The following SLC13A4 variants were observed in gnomAD, a reference collection of about 807,000 sequenced individuals.
SLC13A4 encodes solute carrier family 13 member 4.
In SLC13A4, 28 loss-of-function variants were observed where a neutral mutation model predicts 72.7. The observed-to-expected ratio is 0.39, with a 90% CI of 0.29 to 0.53. SLC13A4 has a LOEUF of 0.53. SLC13A4 is among the 20% of genes least tolerant of loss of function. The pLI, the probability that SLC13A4 is intolerant of heterozygous loss-of-function variation, is 0.78. For missense variants in SLC13A4, 653 were observed against 788.0 expected, an observed-to-expected ratio of 0.83 and a Z score of 2.05; for synonymous variants, 312 against 325.5, an observed-to-expected ratio of 0.96 and a Z score of 0.45.
At chr7:135,726,445 G>C (rs1174869672) in intron 1 of SLC13A4, among the ~76,000 whole-genome samples, 1 of 152,216 alleles carries the variant, frequency 6.6e-6, no homozygotes, top group African/African-American at 2.4e-5. Flanking sequence ...AAGGAGCAGA[G>C]TGGAAGAATT....
chr7:135,724,077 GAGACAA>G (rs1261846069), intron 1 of SLC13A4, among the ~76,000 whole-genome samples: 1 of 152,232 alleles, frequency 6.6e-6, no homozygotes, highest in Non-Finnish European at 1.5e-5. Context: ...AAAGAGTTGA[GAGACAA>G]AATGTCTGCC....
intron 10 of SLC13A4, 31 bp from the exon 11 acceptor site, chr7:135,692,455 G>T (rs1334908206): frequency 1.3e-6 from 2 of 1,503,096 alleles, no homozygotes; most frequent in South Asian, 2.4e-5. Flanking sequence ...ACCCACTCAG[G>T]AACTGAGAAA....
chr7:135,701,828 CA>C, intron 6 of SLC13A4, 68 bp from the exon 7 acceptor site: 1 of 1,504,702 alleles, frequency 6.6e-7, no homozygotes, highest in Non-Finnish European at 9.2e-7. Context: ...CGAGAAGGAC[CA>C]CCTAGTCATC....
chr7:135,696,444 G>A (rs528486427), intron 8 of SLC13A4, among the ~76,000 whole-genome samples: 2 of 152,190 alleles, frequency 1.3e-5, no homozygotes, highest in South Asian at 4.1e-4. Context: ...CGCCTTCTGG[G>A]TTCAAGCAAT....
intron 1 of SLC13A4, 108 bp from the exon 2 acceptor site, chr7:135,721,631 A>G: frequency 2.1e-6 from 3 of 1,420,306 alleles, no homozygotes; most frequent in Admixed American, 2.0e-5. Flanking sequence ...TAACGCGGGT[A>G]CTAGGATACA....
intron 15 of SLC13A4, among the ~76,000 whole-genome samples, chr7:135,682,835 C>G (rs1795534013): frequency 6.6e-6 from 1 of 152,078 alleles, no homozygotes; most frequent in South Asian, 2.1e-4. Context: ...AGCTAGGGGT[C>G]AGTGGTGGGG....
intron 1 of SLC13A4, among the ~76,000 whole-genome samples, chr7:135,722,235 T>C (rs532667751): frequency 6.7e-6 from 1 of 150,004 alleles, no homozygotes; most frequent in Non-Finnish European, 1.5e-5. Context: ...TACAGGACTA[T>C]AGAGTACAAT....
intron 2 of SLC13A4, among the ~76,000 whole-genome samples, chr7:135,709,156 C>A (rs1796240394): frequency 6.6e-6 from 1 of 151,916 alleles, no homozygotes; most frequent in South Asian, 2.1e-4. Context: ...TGGTCTCAAT[C>A]TCCTGACCTC....
intron 2 of SLC13A4, among the ~76,000 whole-genome samples, chr7:135,712,613 A>T (rs922530372): frequency 1.3e-5 from 2 of 152,204 alleles, no homozygotes; most frequent in Admixed American, 1.3e-4. Context: ...GAAGTGCTCC[A>T]TCTAAAGGCT....
chr7:135,718,070 T>TACACAC (rs148088162), intron 2 of SLC13A4, among the ~76,000 whole-genome samples: 2,495 of 102,448 alleles, frequency 0.024, 35 homozygotes, highest in East Asian at 0.096. Context: ...AGCCAATTCC[T>TACACAC]ACACACACAC....
chr7:135,701,893 G>A, intron 6 of SLC13A4, 133 bp from the exon 7 acceptor site: 2 of 781,268 alleles, frequency 2.6e-6, no homozygotes, highest in Admixed American at 3.0e-5. Flanking sequence ...GAAGCCAGGG[G>A]GAGCATATAC....
chr7:135,723,499 G>A (rs1796588264), intron 1 of SLC13A4, among the ~76,000 whole-genome samples: 1 of 152,148 alleles, frequency 6.6e-6, no homozygotes. Context: ...CCGTGACTCA[G>A]AAGAGCATTT....
intron 5 of SLC13A4, 197 bp from the exon 6 acceptor site, chr7:135,703,081 T>C: frequency 1.7e-6 from 1 of 583,516 alleles, no homozygotes; most frequent in Admixed American, 3.1e-5. Context: ...GCCAGGGGCC[T>C]GCTTCCTTCT....
Position 135,715,422 on chromosome 7 carries a change from T to C in SLC13A4, c.228+5973A>G, listed in dbSNP as rs879771789. On this transcript the variant is annotated intron_variant, in intron 2 of 15. Transcript: ENST00000682651. ...ATGTGTGTATGAGTGTGTGTATGAG[T>C]GTGTGAGCGTGTGTATGAGTGTGTG... is the stretch of plus-strand genomic sequence containing the variant. Among the ~76,000 whole-genome samples the C allele has an allele frequency of 4.0e-5, 6 of 151,254 alleles. No individual in the cohort carries two copies. In the South Asian group the frequency reaches 6.3e-4, roughly 16 times the overall value.
At chr7:135,711,593 G>A (rs747909764) in intron 2 of SLC13A4, among the ~76,000 whole-genome samples, 18 of 152,230 alleles carry the variant, frequency 1.2e-4, no homozygotes, top group Admixed American at 3.3e-4. Flanking sequence ...CACAGTGTAA[G>A]GGCAGAGGCA....
intron 11 of SLC13A4, 152 bp from the exon 12 acceptor site, chr7:135,691,797 T>C: frequency 1.7e-6 from 1 of 587,968 alleles, no homozygotes; most frequent in South Asian, 2.2e-5. Flanking sequence ...GCTGCCACGC[T>C]ATCCACTTTG....
chr7:135,715,275 GTGTA>G (rs1235995039), intron 2 of SLC13A4, among the ~76,000 whole-genome samples: 1 of 150,038 alleles, frequency 6.7e-6, no homozygotes, highest in African/African-American at 2.5e-5. Flanking sequence ...ATGTGTATGA[GTGTA>G]TGAGTGTGTG....
intron 2 of SLC13A4, among the ~76,000 whole-genome samples, chr7:135,714,486 AG>A (rs1469606882): frequency 6.6e-6 from 1 of 152,168 alleles, no homozygotes; most frequent in Non-Finnish European, 1.5e-5. Context: ...AAAGGCTGCA[AG>A]GTCTGTAGGC....
chr7:135,693,505 T>C (rs1034004155), intron 10 of SLC13A4: 1 of 152,244 alleles, frequency 6.6e-6, no homozygotes, highest in Non-Finnish European at 1.5e-5. Context: ...TTTGAAATGT[T>C]CTACAATGAA....
Sources: allele counts gnomAD v4.1 joint callset (sites outside exome capture counted in the v4.1 genomes callset), GRCh38; gene constraint gnomAD v4.1.1; transcripts MANE v1.5; gene names NCBI Gene and HGNC (gene_info 2026-07-23, HGNC 2026-07-21).